The following MAB21L3 variants were observed in gnomAD, a reference collection of about 807,000 sequenced individuals.
The protein encoded by MAB21L3 is protein mab-21-like 3.
A neutral mutation model predicts 37.7 loss-of-function variants in MAB21L3; 36 were observed. The ratio of observed to expected loss-of-function variants is 0.96; its 90% CI spans 0.73 to 1.26. MAB21L3 has a LOEUF of 1.26. Ranked by LOEUF, MAB21L3 falls within the 50% of genes most tolerant of loss-of-function variation. The pLI, the probability that MAB21L3 is intolerant of heterozygous loss-of-function variation, is 0.00. For missense variants in MAB21L3, 430 were observed against 447.3 expected (o/e 0.96, Z 0.35); for synonymous variants, 186 against 176.8 (o/e 1.05, Z -0.41).
At chr1:116,119,565 G>C (rs1048280858) in intron 3 of MAB21L3, among the ~76,000 whole-genome samples, 1 of 152,126 alleles carries the variant, frequency 6.6e-6, no homozygotes, top group Non-Finnish European at 1.5e-5. Flanking sequence ...AATTCAGAGA[G>C]AGTATAAAGA....
intron 3 of MAB21L3, among the ~76,000 whole-genome samples, chr1:116,114,618 T>C (rs769022272): frequency 6.6e-6 from 1 of 152,204 alleles, no homozygotes; most frequent in Non-Finnish European, 1.5e-5. Flanking sequence ...GGTTTGAGGG[T>C]AGACCAAGGC....
intron 5 of MAB21L3, among the ~76,000 whole-genome samples, 199 bp downstream of exon 5, chr1:116,124,556 T>G (rs1375211477): frequency 6.6e-6 from 1 of 152,234 alleles, no homozygotes; most frequent in Non-Finnish European, 1.5e-5. Context: ...GAATTCATAC[T>G]AACAAAATAG....
intron 3 of MAB21L3, among the ~76,000 whole-genome samples, chr1:116,117,394 T>C (rs1659624197): frequency 6.6e-6 from 1 of 152,078 alleles, no homozygotes; most frequent in South Asian, 2.1e-4. Flanking sequence ...TGCTCAGACT[T>C]CAGGTCCCTG....
chr1:116,135,356 G>A lies in MAB21L3; in HGVS notation c.*1991G>A, dbSNP rs1296651436. 3.9e-5 allele frequency: 6 copies of A among 152,130 alleles called. No homozygotes were observed. The highest frequency in any genetic ancestry group is 2.1e-4 in the South Asian group (1 of 4,828). The allele number at this position is 152,130 out of a possible 1,614,324, so 9.4% of individuals were successfully genotyped here. ...CAGAGAATACTACAAACTCCTCTAC[G>A]CAAATAAACTAGAAAATCTAGAAGA... On this transcript the variant is annotated 3_prime_UTR_variant, in exon 8 of 8. Transcript: ENST00000369500.
At position 116,136,177 on chromosome 1, in the gene MAB21L3, G is replaced by A. The variant is rs1351439184; in HGVS notation, c.*2812G>A. ...AAAGGGTATTCAATTAGGAAAAGAG[G>A]AAGTCAAATTGTCCCTGTTTGCAGA... On this transcript the variant is annotated 3_prime_UTR_variant, in exon 8 of 8. Coordinates refer to ENST00000369500, the MANE Select transcript of MAB21L3 (RefSeq NM_152367.3). Among the ~76,000 whole-genome samples the A allele has an allele frequency of 6.7e-6, 1 of 149,636 alleles. No homozygotes were observed. Among genetic ancestry groups the A allele is most frequent in the African/African-American group, 2.5e-5 (1 of 40,528 alleles).
chr1:116,123,738 G>A lies in MAB21L3; in HGVS notation c.190-328G>A, dbSNP rs1659816220. On this transcript the variant is annotated intron_variant, in intron 4 of 7. Coordinates refer to ENST00000369500, the MANE Select transcript of MAB21L3 (RefSeq NM_152367.3). ...TAGAATTACGGTGTTGCGTCTGCAT[G>A]GAACTGAATGCATACTCATTCTTCT... The A allele has an allele frequency of 1.9e-5, 4 of 216,194 alleles. No individual in the cohort carries two copies. In the South Asian group the frequency reaches 3.1e-4, roughly 17 times the overall value. 13.4% of individuals were successfully genotyped at this position (216,194 alleles called of 1,614,324 possible).
At chr1:116,129,570 C>G (rs1449495844) in intron 7 of MAB21L3, among the ~76,000 whole-genome samples, 1 of 152,230 alleles carries the variant, frequency 6.6e-6, no homozygotes, top group East Asian at 1.9e-4. Flanking sequence ...TCTTCCAGCC[C>G]CATGTTACTC....
chr1:116,129,440 GC>G (rs1440459063), intron 7 of MAB21L3, among the ~76,000 whole-genome samples: 2 of 152,130 alleles, frequency 1.3e-5, no homozygotes, highest in Non-Finnish European at 2.9e-5. Flanking sequence ...CTCCTCCCTG[GC>G]CCCAGAAAGG....
chr1:116,124,214 G>A lies in MAB21L3; in HGVS notation c.338G>A (p.Trp113Ter). Residue 113 changes from tryptophan to a stop codon, truncating the protein, a stop_gained, in exon 5 of 8, where the codon TGG becomes TAG. Coordinates refer to ENST00000369500, the MANE Select transcript of MAB21L3 (RefSeq NM_152367.3). LOFTEE classifies it high-confidence loss of function. ...PLRDPEGLQQ[W>*]LEVEQFMKSL... The stretch of plus-strand genomic sequence containing the variant: ...CGGGACCCTGAGGGTCTGCAGCAGT[G>A]GCTGGAGGTGGAACAGTTTATGAAG... 6.2e-7 allele frequency: 1 copy of A among 1,614,232 alleles called. No homozygotes were observed. The highest frequency in any genetic ancestry group is 8.5e-7 in the Non-Finnish European group (1 of 1,180,034).
rs1009461627 is a variant in MAB21L3 at position 116,127,614 on chromosome 1, G to A, written c.630G>A (p.Trp210Ter). Residue 210 changes from tryptophan to a stop codon, truncating the protein, a stop_gained, in exon 6 of 8, where the codon TGG becomes TGA. Transcript: ENST00000369500. LOFTEE classifies it high-confidence loss of function. Reference sequence around the variant, plus strand: ...GGTGGCCTCGATGTCTGCAGCGCTGGCCTTCCCAAGAGAGAGTGGAGTGCA... The same window carrying A: ...GGTGGCCTCGATGTCTGCAGCGCTGACCTTCCCAAGAGAGAGTGGAGTGCA... ...KARWPRCLQRWPSQERVECIK... is the reference protein window; with the variant it reads ...KARWPRCLQR 2.5e-6 allele frequency: 4 copies of A among 1,613,814 alleles called. No individual in the cohort carries two copies. Among genetic ancestry groups the A allele is most frequent in the Admixed American group, 1.7e-5 (1 of 59,990 alleles).
intron 7 of MAB21L3, 69 bp from the exon 8 acceptor site, chr1:116,133,063 A>G: frequency 7.6e-7 from 1 of 1,308,274 alleles, no homozygotes; most frequent in Admixed American, 1.9e-5. Context: ...CATAAGCTCA[A>G]TAATTGTTTC....
rs139611442 is a variant in MAB21L3, at chr1:116,133,260, C to A, written c.984C>A (p.Phe328Leu). ...GCCAGCACTTCCTGAAACACTATTT[C>A]GTCCGGAACAGCAACCTCTTTCAGT... ...CVSQHFLKHYFVRNSNLFQCT... is the reference protein window; with the variant it reads ...CVSQHFLKHYLVRNSNLFQCT... Residue 328 changes from phenylalanine to leucine, a missense_variant, in exon 8 of 8, where the codon TTC becomes TTA. Transcript: ENST00000369500. The A allele has an allele frequency of 1.9e-6, 3 of 1,614,196 alleles. No individual in the cohort carries two copies. In the South Asian group the frequency reaches 3.3e-5, roughly 18 times the overall value.
At position 116,137,669 on chromosome 1, in the gene MAB21L3, T is replaced by C. The variant is rs1273423915; in HGVS notation, c.*4304T>C. Among the ~76,000 whole-genome samples, 2 of 151,602 alleles carry C rather than the reference T, an allele frequency of 1.3e-5. No individual in the cohort carries two copies. The highest frequency in any genetic ancestry group is 2.9e-5 in the Non-Finnish European group (2 of 68,018). ...TAAATCATGCTGCTATAAAGACACA[T>C]GCACACGTATGTTTATTGCGGCATT... On this transcript the variant is annotated 3_prime_UTR_variant, in exon 8 of 8. Transcript: ENST00000369500.
At chr1:116,129,791 T>C (rs375978327) in intron 7 of MAB21L3, among the ~76,000 whole-genome samples, 2 of 152,238 alleles carry the variant, frequency 1.3e-5, no homozygotes, top group African/African-American at 4.8e-5. Flanking sequence ...TCTCTTTTTT[T>C]CGCACAAAAT....
At chr1:116,116,311 T>G (rs2101608541) in intron 3 of MAB21L3, among the ~76,000 whole-genome samples, 1 of 152,236 alleles carries the variant, frequency 6.6e-6, no homozygotes, top group South Asian at 2.1e-4. Flanking sequence ...GGGTAAGAAC[T>G]TATTGCAGGA....
At chr1:116,114,913 A>C (rs1474609684) in intron 3 of MAB21L3, among the ~76,000 whole-genome samples, 2 of 152,150 alleles carry the variant, frequency 1.3e-5, no homozygotes, top group African/African-American at 4.8e-5. Flanking sequence ...TAATAAGTGG[A>C]GAAGTATAGG....
intron 4 of MAB21L3, among the ~76,000 whole-genome samples, chr1:116,121,926 T>G (rs1659760867): frequency 6.6e-6 from 1 of 152,240 alleles, no homozygotes; most frequent in Non-Finnish European, 1.5e-5. Flanking sequence ...TCTCGATTTT[T>G]ATTATGCCAC....
intron 7 of MAB21L3, among the ~76,000 whole-genome samples, chr1:116,130,665 C>T (rs1660045135): frequency 6.6e-6 from 1 of 152,220 alleles, no homozygotes; most frequent in African/African-American, 2.4e-5. Flanking sequence ...TTAAGTCTGA[C>T]ACTCTCTTAC....
intron 3 of MAB21L3, among the ~76,000 whole-genome samples, chr1:116,118,884 C>T (rs368803259): frequency 1.3e-5 from 2 of 152,314 alleles, no homozygotes. Context: ...GATGAAGTAT[C>T]CGTTTTCTAT....
Sources: gnomAD v4.1 joint callset for allele counts (sites outside exome capture counted in the v4.1 genomes callset) on GRCh38, gnomAD v4.1.1 for gene constraint, MANE v1.5 for transcripts, NCBI Gene and HGNC (gene_info 2026-07-23, HGNC 2026-07-21) for gene names.